The following SHPRH variants were observed in gnomAD, a reference collection of about 807,000 sequenced individuals.
SHPRH encodes SNF2 histone linker PHD RING helicase, also known as E3 ubiquitin-protein ligase SHPRH.
Under a neutral mutation model 202.5 loss-of-function variants are expected in SHPRH, and 106 were observed. That is an observed-to-expected ratio of 0.52 (90% CI 0.45 to 0.62). The LOEUF is 0.62. Among genes scored for constraint, SHPRH ranks in the 20% least tolerant of loss-of-function variants. The pLI is 0.00. For synonymous variants in SHPRH, 729 were observed against 686.0 expected (o/e 1.06, Z -0.98); for missense variants, 1,710 against 2,020.0 (o/e 0.85, Z 2.94).
At chr6:145,939,048 A>C (rs1451180429) in intron 11 of SHPRH, among the ~76,000 whole-genome samples, 1 of 152,178 alleles carries the variant, frequency 6.6e-6, no homozygotes, top group African/African-American at 2.4e-5. Context: ...CCCAAATGTC[A>C]ATATGGCCAA....
At position 145,946,335 on chromosome 6, in the gene SHPRH, C is replaced by G; in HGVS notation, c.1219G>C (p.Val407Leu). The change falls in exon 7 of 30, where the codon GTG becomes CTG. Residue 407 changes from valine (V) to leucine (L), a missense_variant. By Grantham distance (32) the Val-to-Leu change is conservative. This residue lies in a region of SHPRH where 348 missense variants were observed against 356.9 expected (regional missense o/e 0.97). Transcript: ENST00000275233. ...TGTGACGGAATAAAATAATTCACCA[C>G]TTTTCCCTGATACAAACAACAGTCA... ...QDALTLPEGK[V>L]VNYFIPSHYF... The G allele has an allele frequency of 3.7e-6, 6 of 1,602,530 alleles. No individual in the cohort carries two copies. The highest frequency in any genetic ancestry group is 5.1e-6 in the Non-Finnish European group (6 of 1,173,934).
At chr6:145,867,629 TATAGAG>T (rs1368083133) in intron 2 of SHPRH, among the ~76,000 whole-genome samples, 900 of 43,672 alleles carry the variant, frequency 0.021, 6 homozygotes, top group Non-Finnish European at 0.025. Context: ...TATATATATA[TATAGAG>T]AGAGAGAGAG....
chr6:145,895,209 C>A (rs1258354983), intron 25 of SHPRH, among the ~76,000 whole-genome samples: 1 of 151,952 alleles, frequency 6.6e-6, no homozygotes, highest in Non-Finnish European at 1.5e-5. Flanking sequence ...AAAAGCATGC[C>A]AGAAAGTCAT....
intron 17 of SHPRH, among the ~76,000 whole-genome samples, chr6:145,924,068 C>T (rs145657500): frequency 2.6e-5 from 4 of 151,916 alleles, no homozygotes; most frequent in African/African-American, 7.2e-5. Context: ...AAACTGTTTA[C>T]GCCAAATGAA....
intron 25 of SHPRH, chr6:145,907,471 T>G (rs1161834885): frequency 1.3e-5 from 2 of 152,170 alleles, no homozygotes; most frequent in African/African-American, 4.8e-5. Context: ...CATCCCTGCT[T>G]ATAATATTTA....
intron 21 of SHPRH, 71 bp downstream of exon 21, chr6:145,921,096 A>G: frequency 2.3e-6 from 3 of 1,326,546 alleles, no homozygotes; most frequent in Non-Finnish European, 3.1e-6. Flanking sequence ...GAGAGAGAAA[A>G]AAGTAGCAGT....
intron 28 of SHPRH, among the ~76,000 whole-genome samples, chr6:145,891,843 A>G (rs1781593805): frequency 1.3e-5 from 2 of 152,186 alleles, no homozygotes; most frequent in Admixed American, 6.6e-5. Flanking sequence ...GGTTTTAAAT[A>G]TGAGACTAGT....
At chr6:145,956,949 T>C (rs945302279) in intron 1 of SHPRH, among the ~76,000 whole-genome samples, 1 of 152,036 alleles carries the variant, frequency 6.6e-6, no homozygotes, top group Non-Finnish European at 1.5e-5. Context: ...TCAATATAAT[T>C]TTAGAAAAGA....
At chr6:145,939,586 T>C (rs139251400) in intron 11 of SHPRH, among the ~76,000 whole-genome samples, 138 of 152,226 alleles carry the variant, frequency 9.1e-4, no homozygotes, top group African/African-American at 3.1e-3. Context: ...TTCTGTACCC[T>C]CTCAGCTAAC....
chr6:145,944,254 T>C (rs1030704639), intron 8 of SHPRH, among the ~76,000 whole-genome samples: 24 of 152,324 alleles, frequency 1.6e-4, no homozygotes, highest in Admixed American at 5.9e-4. Flanking sequence ...TTCCCTTTTC[T>C]ACATATGTCC....
At chr6:145,874,935 A>AT (rs1367549480) in intron 2 of SHPRH, among the ~76,000 whole-genome samples, 1 of 152,070 alleles carries the variant, frequency 6.6e-6, no homozygotes, top group Non-Finnish European at 1.5e-5. Context: ...AAACATATCG[A>AT]TTTTTTTCTT....
chr6:145,914,017 T>C (rs974263978), intron 23 of SHPRH, among the ~76,000 whole-genome samples: 31 of 152,330 alleles, frequency 2.0e-4, no homozygotes, highest in Middle Eastern at 6.8e-3. Context: ...ATAATGTCCA[T>C]TTGATCTTAC....
intron 2 of SHPRH, among the ~76,000 whole-genome samples, chr6:145,869,735 G>A (rs1583254599): frequency 6.6e-6 from 1 of 151,186 alleles, no homozygotes; most frequent in Non-Finnish European, 1.5e-5. Context: ...TAGCTTTATA[G>A]TAAGTCTTGA....
intron 1 of SHPRH, among the ~76,000 whole-genome samples, chr6:145,960,757 A>C (rs555851438): frequency 2.5e-4 from 38 of 152,282 alleles, no homozygotes; most frequent in South Asian, 1.7e-3. Flanking sequence ...GTATTCCATA[A>C]ATGGTAGTTG....
intron 2 of SHPRH, among the ~76,000 whole-genome samples, chr6:145,878,228 C>T (rs557100719): frequency 6.6e-6 from 1 of 152,162 alleles, no homozygotes; most frequent in African/African-American, 2.4e-5. Context: ...CTGCCTCCCC[C>T]CAACCCCATG....
chr6:145,960,445 T>G (rs1215413684), intron 1 of SHPRH, among the ~76,000 whole-genome samples: 1 of 152,132 alleles, frequency 6.6e-6, no homozygotes, highest in African/African-American at 2.4e-5. Context: ...TTACACAATG[T>G]ATCACACTAA....
downstream of SHPRH, among the ~76,000 whole-genome samples, chr6:145,859,717 A>G (rs1052220189): frequency 6.6e-6 from 1 of 152,010 alleles, no homozygotes; most frequent in African/African-American, 2.4e-5. Context: ...TTCCAAACCA[A>G]TGTAAAAAGT....
rs1157429024 is a variant in SHPRH, at chr6:145,954,928, T to C, written c.395A>G (p.Asn132Ser). The change falls in exon 2 of 30, where the codon AAT (asparagine) becomes AGT (serine). Residue 132 changes from asparagine (N) to serine (S), a missense_variant. By Grantham distance (46) the Asn-to-Ser change is conservative (BLOSUM62 1). Around this residue, in one of 8 missense-constraint regions of SHPRH, gnomAD observed 459 missense variants for 426.5 expected, o/e 1.08. Coordinates refer to ENST00000275233, the MANE Select transcript of SHPRH (RefSeq NM_001042683.3). Reference protein sequence around the residue: ...QLLPAQSLIENFSERSITLMS... With the variant: ...QLLPAQSLIESFSERSITLMS... ...CAATGTAATACTCCTTTCGGAAAAA[T>C]TTTCAATTAAACTCTGTGCAGGAAG... 2 of 1,613,720 alleles carry C rather than the reference T, an allele frequency of 1.2e-6. No individual in the cohort carries two copies. The highest frequency in any genetic ancestry group is 1.7e-6 in the Non-Finnish European group (2 of 1,179,864).
At chr6:145,894,622 A>C (rs1200691624) in intron 26 of SHPRH, among the ~76,000 whole-genome samples, 3 of 152,074 alleles carry the variant, frequency 2.0e-5, no homozygotes, top group Non-Finnish European at 4.4e-5. Flanking sequence ...AAAGTCAGAA[A>C]TTCCAATTTT....
Sources: gnomAD v4.1 joint callset for allele counts (sites outside exome capture counted in the v4.1 genomes callset) on GRCh38, gnomAD v4.1.1 for gene constraint, gnomAD v4.1.1 regional missense constraint, MANE v1.5 for transcripts, NCBI Gene and HGNC (gene_info 2026-07-23, HGNC 2026-07-21) for gene names.